Variants in MACROD2 observed in about 807,000 individuals in gnomAD.
MACROD2 encodes mono-ADP ribosylhydrolase 2.
In MACROD2, 36 loss-of-function variants were observed where a neutral mutation model predicts 70.4. The observed-to-expected ratio is 0.51, with a 90% CI of 0.39 to 0.68. The LOEUF is 0.68. Among genes scored for constraint, MACROD2 ranks in the 30% least tolerant of loss-of-function variants. The pLI, the probability that MACROD2 is intolerant of heterozygous loss-of-function variation, is 0.00. For missense variants in MACROD2, 496 were observed against 538.4 expected, an observed-to-expected ratio of 0.92 and a Z score of 0.78; for synonymous variants, 172 against 178.8, an observed-to-expected ratio of 0.96 and a Z score of 0.30.
intron 3 of MACROD2, among the ~76,000 whole-genome samples, chr20:14,387,982 C>CT (rs2083486223): frequency 6.7e-6 from 1 of 148,684 alleles, no homozygotes; most frequent in African/African-American, 2.5e-5. Flanking sequence ...TTTCTTTCTA[C>CT]TTTTTTTTAT....
chr20:14,630,694 T>G (rs1409237267), intron 4 of MACROD2, among the ~76,000 whole-genome samples: 1 of 152,230 alleles, frequency 6.6e-6, no homozygotes, highest in Non-Finnish European at 1.5e-5. Context: ...TAAATTCATT[T>G]AGGCATTTAT....
At chr20:15,539,658 T>G (rs2047927546) in intron 8 of MACROD2, among the ~76,000 whole-genome samples, 1 of 152,182 alleles carries the variant, frequency 6.6e-6, no homozygotes, top group Admixed American at 6.5e-5. Context: ...AGAAAAAAAT[T>G]TTGACTTCAC....
chr20:15,264,733 A>T (rs1364057805), intron 6 of MACROD2, among the ~76,000 whole-genome samples: 1 of 151,628 alleles, frequency 6.6e-6, no homozygotes, highest in Non-Finnish European at 1.5e-5. Flanking sequence ...CTCTCCTGCC[A>T]CAAAGAGTTA....
chr20:14,965,701 C>T (rs1197344595), intron 5 of MACROD2, among the ~76,000 whole-genome samples: 6 of 151,582 alleles, frequency 4.0e-5, no homozygotes, highest in Non-Finnish European at 1.5e-5. Flanking sequence ...ATCTCCTGAC[C>T]TCGTGATCCA....
At chr20:14,649,395 T>C in intron 4 of MACROD2, among the ~76,000 whole-genome samples, 1 of 152,204 alleles carries the variant, frequency 6.6e-6, no homozygotes, top group East Asian at 1.9e-4. Context: ...GTCTGGATGA[T>C]AGCAATTTAA....
intron 2 of MACROD2, among the ~76,000 whole-genome samples, chr20:14,063,180 T>G (rs1340514944): frequency 6.6e-6 from 1 of 152,238 alleles, no homozygotes; most frequent in Non-Finnish European, 1.5e-5. Flanking sequence ...GATTTAATTT[T>G]TGTATATCTA....
intron 2 of MACROD2, among the ~76,000 whole-genome samples, chr20:14,048,754 T>C (rs183681219): frequency 1.3e-5 from 2 of 152,274 alleles, no homozygotes; most frequent in East Asian, 3.9e-4. Flanking sequence ...TAAACATTTG[T>C]GAACAAAAAC....
intron 8 of MACROD2, among the ~76,000 whole-genome samples, chr20:15,556,847 A>T (rs2048174886): frequency 6.6e-6 from 1 of 152,190 alleles, no homozygotes; most frequent in Non-Finnish European, 1.5e-5. Context: ...GCTACAGTGA[A>T]CTTGAATCCA....
chr20:15,521,959 A>G (rs574982752), intron 8 of MACROD2, among the ~76,000 whole-genome samples: 2 of 152,346 alleles, frequency 1.3e-5, no homozygotes, highest in East Asian at 3.9e-4. Context: ...TCAGTGGTAG[A>G]AAGAACACCA....
intron 8 of MACROD2, among the ~76,000 whole-genome samples, chr20:15,581,398 T>A (rs2048521823): frequency 6.6e-6 from 1 of 152,212 alleles, no homozygotes; most frequent in Admixed American, 6.5e-5. Flanking sequence ...CCTCTCTTGA[T>A]GAAACTTTTT....
At chr20:16,005,439 A>G (rs536889183) in intron 15 of MACROD2, among the ~76,000 whole-genome samples, 5 of 152,214 alleles carry the variant, frequency 3.3e-5, no homozygotes, top group Non-Finnish European at 7.3e-5. Context: ...AGCTAAACGC[A>G]GGCTGTTCAC....
At chr20:14,162,435 C>G (rs916049811) in intron 3 of MACROD2, among the ~76,000 whole-genome samples, 1 of 152,102 alleles carries the variant, frequency 6.6e-6, no homozygotes, top group African/African-American at 2.4e-5. Flanking sequence ...AATTTTCTAT[C>G]TAGAGGCTAA....
chr20:15,184,487 C>T (rs2076521723), intron 5 of MACROD2, among the ~76,000 whole-genome samples: 2 of 152,186 alleles, frequency 1.3e-5, no homozygotes, highest in South Asian at 4.1e-4. Context: ...CAATGTCATC[C>T]TCCTAGTTGA....
chr20:14,893,057 T>G (rs2073782467), intron 5 of MACROD2: 1 of 152,228 alleles, frequency 6.6e-6, no homozygotes, highest in East Asian at 1.9e-4. Flanking sequence ...TAGTTACCTT[T>G]TGTGACTGGC....
At chr20:15,478,920 C>CAATCT (rs1392805799) in intron 7 of MACROD2, among the ~76,000 whole-genome samples, 1 of 152,156 alleles carries the variant, frequency 6.6e-6, no homozygotes, top group Non-Finnish European at 1.5e-5. Flanking sequence ...GACCAATCTG[C>CAATCT]AATCTAAGAC....
chr20:14,372,767 G>A (rs1323344989), intron 3 of MACROD2, among the ~76,000 whole-genome samples: 1 of 151,868 alleles, frequency 6.6e-6, no homozygotes, highest in African/African-American at 2.4e-5. Flanking sequence ...ATCTACTTAG[G>A]CTTTAAAAAA....
intron 4 of MACROD2, among the ~76,000 whole-genome samples, chr20:14,576,512 T>C (rs528920748): frequency 5.3e-5 from 8 of 152,320 alleles, no homozygotes; most frequent in African/African-American, 1.4e-4. Flanking sequence ...GAACTGCTAA[T>C]GGCAAAGTTG....
intron 5 of MACROD2, among the ~76,000 whole-genome samples, chr20:15,125,663 A>G (rs528461175): frequency 3.3e-4 from 50 of 152,126 alleles, no homozygotes; most frequent in African/African-American, 1.2e-3. Context: ...AGTAATCAGT[A>G]ATAACCGGTA....
chr20:14,958,918 T>C (rs7262178), intron 5 of MACROD2, among the ~76,000 whole-genome samples: 6,524 of 152,188 alleles, frequency 0.043, 459 homozygotes, highest in African/African-American at 0.15. Flanking sequence ...CTGGGGACCA[T>C]ACCTAAGAAC....
Sources: gnomAD v4.1 joint callset for allele counts (sites outside exome capture counted in the v4.1 genomes callset) on GRCh38, gnomAD v4.1.1 for gene constraint, MANE v1.5 for transcripts, NCBI Gene and HGNC (gene_info 2026-07-23, HGNC 2026-07-21) for gene names.